STXBP4: variants seen among roughly 807,000 people sequenced by gnomAD.
STXBP4 encodes syntaxin-binding protein 4.
In STXBP4, 55 loss-of-function variants were observed where a neutral mutation model predicts 76.1. The ratio of observed to expected loss-of-function variants is 0.72; its 90% CI spans 0.58 to 0.91. The LOEUF (loss-of-function observed/expected upper bound fraction) is 0.91. Ranked by LOEUF, STXBP4 falls within the 40% of genes least tolerant of loss-of-function variation. STXBP4 has a pLI of 0.00. For missense variants in STXBP4, 618 were observed against 636.9 expected (o/e 0.97, Z 0.32); for synonymous variants, 201 against 220.2 (o/e 0.91, Z 0.77).
intron 8 of STXBP4, among the ~76,000 whole-genome samples, chr17:55,010,394 G>T (rs975952560): frequency 6.6e-6 from 1 of 151,872 alleles, no homozygotes; most frequent in African/African-American, 2.4e-5. Context: ...TTAATTCCTT[G>T]TCTGTAAAAT....
chr17:55,000,991 T>A (rs938108196), intron 7 of STXBP4, 108 bp downstream of exon 7: 1 of 732,876 alleles, frequency 1.4e-6, no homozygotes, highest in Non-Finnish European at 2.2e-6. Context: ...TATGTCTTTG[T>A]TCCTTCAGTG....
At chr17:54,999,479 G>T in intron 5 of STXBP4, 28 bp downstream of exon 5, 1 of 1,555,296 alleles carries the variant, frequency 6.4e-7, no homozygotes, top group South Asian at 1.2e-5. Context: ...GAGATAGAAT[G>T]AGTCATTTAG....
chr17:55,101,431 T>C (rs1317722987), intron 16 of STXBP4, among the ~76,000 whole-genome samples: 8 of 152,164 alleles, frequency 5.3e-5, no homozygotes, highest in African/African-American at 2.4e-5. Flanking sequence ...ACAGCAGCTG[T>C]TGTATTAGAA....
intron 16 of STXBP4, among the ~76,000 whole-genome samples, chr17:55,081,760 G>C (rs915919103): frequency 6.6e-6 from 1 of 152,180 alleles, no homozygotes; most frequent in East Asian, 1.9e-4. Context: ...TCCTATGCTG[G>C]AGCCAGGAAA....
rs16955715 is a variant in STXBP4, at chr17:55,172,424, G to C, written c.*12513G>C. ...AATGCAGGTAACTAAAACTTCAGCA[G>C]ATTATGAAAAACAAAAGTTACTTTC... On this transcript the variant is annotated 3_prime_UTR_variant, in exon 18 of 18. Transcript: ENST00000376352. The C allele has an allele frequency of 6.6e-6, 1 of 152,184 alleles. No individual in the cohort carries two copies. Among genetic ancestry groups the C allele is most frequent in the African/African-American group, 2.4e-5 (1 of 41,434 alleles). 9.4% of individuals were successfully genotyped at this position (152,184 alleles called of 1,614,324 possible).
intron 17 of STXBP4, among the ~76,000 whole-genome samples, chr17:55,148,621 C>G (rs1272404482): frequency 6.6e-6 from 1 of 152,098 alleles, no homozygotes; most frequent in Non-Finnish European, 1.5e-5. Flanking sequence ...TCAGTGCAAC[C>G]TCCACCTCCC....
chr17:55,045,381 A>G (rs28450121), intron 11 of STXBP4, among the ~76,000 whole-genome samples: 2,192 of 152,206 alleles, frequency 0.014, 52 homozygotes, highest in African/African-American at 0.049. Context: ...TACCTTAATA[A>G]GATAACTTTT....
chr17:55,147,496 T>C (rs1467672246), intron 17 of STXBP4, among the ~76,000 whole-genome samples: 1 of 152,232 alleles, frequency 6.6e-6, no homozygotes, highest in African/African-American at 2.4e-5. Context: ...CCCTGAATTA[T>C]ACTGTTGGTG....
At chr17:55,193,956 T>C in the STXBP4 span, among the ~76,000 whole-genome samples, 25 of 152,014 alleles carry the variant, frequency 1.6e-4, no homozygotes, top group African/African-American at 6.0e-4. Flanking sequence ...TAGAGAAATC[T>C]AGGCATGAGC....
chr17:55,193,515 C>T, the STXBP4 span, among the ~76,000 whole-genome samples: 1 of 151,998 alleles, frequency 6.6e-6, no homozygotes, highest in African/African-American at 2.4e-5. Context: ...AGAAGACCGC[C>T]ACCCAAAAGG....
the STXBP4 span, among the ~76,000 whole-genome samples, chr17:55,185,411 C>A: frequency 7.3e-5 from 11 of 150,434 alleles, no homozygotes; most frequent in Admixed American, 7.3e-4. Flanking sequence ...AGCCATGGGG[C>A]ATTATGTGTG....
intron 16 of STXBP4, among the ~76,000 whole-genome samples, chr17:55,101,260 A>G (rs1342975667): frequency 1.3e-5 from 2 of 152,150 alleles, no homozygotes; most frequent in Non-Finnish European, 2.9e-5. Flanking sequence ...AAGGGATACA[A>G]ATTACATTCT....
intron 17 of STXBP4, among the ~76,000 whole-genome samples, chr17:55,150,085 A>G (rs1598351996): frequency 6.6e-6 from 1 of 152,192 alleles, no homozygotes; most frequent in Admixed American, 6.5e-5. Context: ...AAAGGTGTAT[A>G]ATTGTCTTTG....
Position 55,107,560 on chromosome 17 carries a change from C to G in STXBP4, c.1489+26377C>G, listed in dbSNP as rs149994475. Among the ~76,000 whole-genome samples the G allele has an allele frequency of 3.3e-3, 508 of 152,140 alleles. 2 individuals are homozygous for G. Among genetic ancestry groups the G allele is most frequent in the African/African-American group, 0.011 (473 of 41,524 alleles). On this transcript the variant is annotated intron_variant, in intron 16 of 17. Transcript: ENST00000376352. ...TTCAGCCTTTTTGCACTGGTTTTTC[C>G]ACGTCTTCGTTTGATGTTGGTGACC...
intron 12 of STXBP4, among the ~76,000 whole-genome samples, chr17:55,064,786 AT>A (rs1384148829): frequency 6.6e-6 from 1 of 151,740 alleles, no homozygotes; most frequent in African/African-American, 2.4e-5. Flanking sequence ...TTACAGTCTA[AT>A]TTTTTTTGAA....
intron 8 of STXBP4, among the ~76,000 whole-genome samples, chr17:55,010,495 A>G (rs998143469): frequency 6.6e-6 from 1 of 152,100 alleles, no homozygotes; most frequent in African/African-American, 2.4e-5. Flanking sequence ...ATTTGTAGTG[A>G]TATATTTCTT....
At chr17:55,211,617 A>T in the STXBP4 span, among the ~76,000 whole-genome samples, 9 of 151,762 alleles carry the variant, frequency 5.9e-5, no homozygotes, top group African/African-American at 2.2e-4. Flanking sequence ...ATTTATTTTG[A>T]TATCCGATGC....
rs11291147 is a variant in STXBP4 at position 54,997,751 on chromosome 17, A to AT, written c.181-1576dup. 1.9e-3 allele frequency among the ~76,000 whole-genome samples: 233 copies of AT among 120,654 alleles called. 2 individuals are homozygous for AT. Among genetic ancestry groups the AT allele is most frequent in the East Asian group, 9.0e-3 (38 of 4,222 alleles). The allele number at this position is 120,654 out of a possible 152,430, so 79.2% of individuals were successfully genotyped here. On this transcript the variant is annotated intron_variant, in intron 4 of 17. Coordinates refer to ENST00000376352, the MANE Select transcript of STXBP4 (RefSeq NM_178509.6). ...CTGAGACTACAGACATGTGCCAGCT[A>AT]TTTTTTTTTTTTTTTTTTGAAAGAT...
At position 55,072,961 on chromosome 17, in the gene STXBP4, C is replaced by CCATG. The variant is rs907231120; in HGVS notation, c.1073_1074insCATG (p.Ala359MetfsTer14). The CCATG allele has an allele frequency of 1.2e-6, 2 of 1,613,672 alleles. No homozygotes were observed. Among genetic ancestry groups the CCATG allele is most frequent in the African/African-American group, 2.7e-5 (2 of 74,910 alleles). On this transcript the variant is annotated frameshift_variant, in exon 13 of 18. Coordinates refer to ENST00000376352, the MANE Select transcript of STXBP4 (RefSeq NM_178509.6). LOFTEE classifies it high-confidence loss of function. Reference sequence around the variant, plus strand: ...CGTAGTCGGATTCATCTTGCTGAAGCTGCTCAGAGACAGGCACATGGAATG... The same window carrying CCATG: ...CGTAGTCGGATTCATCTTGCTGAAGCCATGTGCTCAGAGACAGGCACATGGAATG...
Sources: gnomAD v4.1 joint callset for allele counts (sites outside exome capture counted in the v4.1 genomes callset) on GRCh38, gnomAD v4.1.1 for gene constraint, MANE v1.5 for transcripts, NCBI Gene and HGNC (gene_info 2026-07-23, HGNC 2026-07-21) for gene names.